The following RAE1 variants were observed in gnomAD, a reference collection of about 807,000 sequenced individuals.
RAE1 encodes ribonucleic acid export 1.
Under a neutral mutation model 52.7 loss-of-function variants are expected in RAE1, and 13 were observed. That is an observed-to-expected ratio of 0.25 (90% CI 0.16 to 0.39). The LOEUF (loss-of-function observed/expected upper bound fraction) is 0.39, where lower values mean the gene tolerates loss of function less well. RAE1 is among the 10% of genes least tolerant of loss of function. The probability of loss-of-function intolerance (pLI) is 1.00; values close to 1 mark genes in which losing one functional copy is unlikely to be tolerated. For synonymous variants in RAE1, 164 were observed against 153.1 expected (o/e 1.07, Z -0.52); for missense variants, 262 against 459.8 (o/e 0.57, Z 3.93).
At chr20:57,376,322 C>G (rs1203826414) in intron 11 of RAE1, among the ~76,000 whole-genome samples, 1 of 152,220 alleles carries the variant, frequency 6.6e-6, no homozygotes, top group Non-Finnish European at 1.5e-5. Context: ...GTTTCAACAT[C>G]TGTAAATACC....
intron 4 of RAE1, among the ~76,000 whole-genome samples, chr20:57,364,767 C>T (rs1205831490): frequency 3.3e-5 from 5 of 152,160 alleles, no homozygotes; most frequent in African/African-American, 1.2e-4. Context: ...CACACAGTGA[C>T]CACTAATTTT....
At chr20:57,358,212 A>G (rs1032424441) in intron 4 of RAE1, 2 of 152,176 alleles carry the variant, frequency 1.3e-5, no homozygotes, top group African/African-American at 4.8e-5. Flanking sequence ...GAAAAGTTTT[A>G]TTGCATCAAA....
At chr20:57,370,175 C>T (rs945978423) in intron 8 of RAE1, among the ~76,000 whole-genome samples, 2 of 152,204 alleles carry the variant, frequency 1.3e-5, no homozygotes, top group Admixed American at 6.5e-5. Flanking sequence ...TTTATTCCCT[C>T]ACCTCCCACT....
chr20:57,355,039 A>C (rs1035680347), intron 3 of RAE1, among the ~76,000 whole-genome samples: 1 of 152,170 alleles, frequency 6.6e-6, no homozygotes, highest in African/African-American at 2.4e-5. Flanking sequence ...GAAATTTTCT[A>C]CTTTAGTTCA....
Position 57,378,026 on chromosome 20 carries a change from A to G in RAE1, c.1034A>G (p.Tyr345Cys), listed in dbSNP as rs779651952. The change falls in exon 12 of 12, where the codon TAT becomes TGT. Residue 345 changes from tyrosine to cysteine, a missense_variant. Physicochemically the swap from Tyr to Cys is radical, Grantham distance 194 (BLOSUM62 -2). Transcript: ENST00000395841. ...SYDWSKGHEF[Y>C]NPQKKNYIFL... ...TGCTCTCTTTAGGGACATGAATTTTATAATCCCCAGAAAAAAAATTACATT... is the reference window on the plus strand; with the variant it reads ...TGCTCTCTTTAGGGACATGAATTTTGTAATCCCCAGAAAAAAAATTACATT... 9.3e-6 allele frequency: 15 copies of G among 1,610,830 alleles called. No individual in the cohort carries two copies. In the South Asian group the frequency reaches 1.6e-4, roughly 18 times the overall value.
chr20:57,358,922 A>T, intron 4 of RAE1: 2 of 1,369,416 alleles, frequency 1.5e-6, no homozygotes, highest in Non-Finnish European at 1.9e-6. Flanking sequence ...TTTTATTTGC[A>T]TTGATGAATT....
intron 1 of RAE1, chr20:57,351,957 A>G: frequency 3.0e-6 from 3 of 985,506 alleles, no homozygotes; most frequent in Non-Finnish European, 3.6e-6. Flanking sequence ...TGGGCCAGGC[A>G]TTGTACTGTG....
chr20:57,366,145 A>G (rs929962743), intron 5 of RAE1, among the ~76,000 whole-genome samples: 7 of 152,136 alleles, frequency 4.6e-5, no homozygotes, highest in African/African-American at 1.7e-4. Flanking sequence ...TTATTTCTGA[A>G]TATCTCCCTA....
At chr20:57,355,132 C>T (rs192465521) in intron 3 of RAE1, among the ~76,000 whole-genome samples, 126 of 152,284 alleles carry the variant, frequency 8.3e-4, no homozygotes, top group African/African-American at 3.0e-3. Context: ...CAACAAATTC[C>T]CTTTCTTGGC....
At chr20:57,368,401 A>C (rs2066988381) in intron 7 of RAE1, among the ~76,000 whole-genome samples, 1 of 152,226 alleles carries the variant, frequency 6.6e-6, no homozygotes, top group Admixed American at 6.5e-5. Context: ...TAACGCTGAG[A>C]ACAAAGGCTG....
intron 11 of RAE1, among the ~76,000 whole-genome samples, chr20:57,375,684 C>G (rs1177697515): frequency 1.3e-5 from 2 of 152,170 alleles, no homozygotes; most frequent in African/African-American, 4.8e-5. Context: ...CCTCTTGGTT[C>G]CCTGTGCTCT....
rs61733433 is a variant in RAE1, at chr20:57,373,663, C to T, written c.750C>T (p.Pro250=). 6.2e-3 allele frequency: 9,992 copies of T among 1,613,892 alleles called. 521 individuals are homozygous for T. In the African/African-American group the frequency reaches 0.12, roughly 19 times the overall value. ...VAIHYINPPN[P]AKDNFTFKCH... is the part of the protein sequence containing the mutation. ...ACTTACATGAACCTTTGTCTTTCAG[C>T]GCCAAAGATAACTTCACCTTTAAAT... The change falls in exon 10 of 12, where the codon CCC becomes CCT. Residue 250 remains proline (P), a splice_region_variant and synonymous_variant. Transcript: ENST00000395841.
chr20:57,378,110 C>T lies in RAE1; in HGVS notation c.*11C>T, dbSNP rs201722498. 1.7e-5 allele frequency: 27 copies of T among 1,593,848 alleles called. No individual in the cohort carries two copies. The highest frequency in any genetic ancestry group is 5.1e-5 in the Admixed American group (3 of 58,764). On this transcript the variant is annotated 3_prime_UTR_variant, in exon 12 of 12. Coordinates refer to ENST00000395841, the MANE Select transcript of RAE1 (RefSeq NM_003610.4). ...AGGAATAAGAAGTAGTGGCTGGAGA[C>T]TCTGGCTCAGCCAGAGTTGTTTCTC...
In RAE1 at chr20:57,351,316, T is replaced by G; in HGVS notation, c.-114T>G. ...TTAAGGAGGCTTCGGGCTCCTGGGATTTCTGTCCGCGCTCCTGGCCCTCGT... is the reference window on the plus strand; with the variant it reads ...TTAAGGAGGCTTCGGGCTCCTGGGAGTTCTGTCCGCGCTCCTGGCCCTCGT... On this transcript the variant is annotated 5_prime_UTR_variant, in exon 1 of 12. Transcript: ENST00000395841. The G allele has an allele frequency of 2.0e-6, 2 of 985,456 alleles. No homozygotes were observed. Among genetic ancestry groups the G allele is most frequent in the Non-Finnish European group, 2.4e-6 (2 of 829,968 alleles). The allele number at this position is 985,456 out of a possible 1,614,324, so 61.0% of individuals were successfully genotyped here. A position where few individuals can be genotyped will look rare whatever the true frequency, so the allele number is the denominator to read the frequency against.
intron 7 of RAE1, among the ~76,000 whole-genome samples, chr20:57,367,669 A>C (rs956531092): frequency 5.3e-5 from 8 of 150,932 alleles, no homozygotes; most frequent in African/African-American, 1.9e-4. Context: ...GAACCCAGCA[A>C]GTAGAGGTTG....
chr20:57,364,181 G>A (rs976790812), intron 4 of RAE1, among the ~76,000 whole-genome samples: 5 of 152,244 alleles, frequency 3.3e-5, no homozygotes, highest in African/African-American at 1.2e-4. Flanking sequence ...TAAGGACATG[G>A]TTCAAACTCT....
At chr20:57,362,973 G>A (rs2066909640) in intron 4 of RAE1, among the ~76,000 whole-genome samples, 1 of 152,098 alleles carries the variant, frequency 6.6e-6, no homozygotes, top group African/African-American at 2.4e-5. Flanking sequence ...TAGAGATGGG[G>A]TTTCGCCATG....
intron 2 of RAE1, 149 bp downstream of exon 2, chr20:57,354,277 A>G: frequency 1.5e-6 from 1 of 660,182 alleles, no homozygotes; most frequent in East Asian, 2.8e-5. Context: ...ACTGGAGCAC[A>G]GAAAATGTGT....
In RAE1 at chr20:57,356,486, C is replaced by G. The variant is rs1455761364; in HGVS notation, c.236C>G (p.Pro79Arg). 1 of 1,613,364 alleles carries G rather than the reference C, an allele frequency of 6.2e-7. No individual in the cohort carries two copies. The highest frequency in any genetic ancestry group is 1.7e-5 in the Admixed American group (1 of 59,996). The change falls in exon 4 of 12, where the codon CCA becomes CGA. Residue 79 changes from proline to arginine, a missense_variant. Pro to Arg is a moderately radical substitution (Grantham distance 103). Coordinates refer to ENST00000395841, the MANE Select transcript of RAE1 (RefSeq NM_003610.4). ...WEVQDSGQTI[P>R]KAQQMHTGPV... ...GTTCAAGACAGTGGACAGACCATTC[C>G]AAAAGCCCAGCAGATGCACACTGGG...
Sources: allele counts gnomAD v4.1 joint callset (sites outside exome capture counted in the v4.1 genomes callset), GRCh38; gene constraint gnomAD v4.1.1; transcripts MANE v1.5; gene names NCBI Gene and HGNC (gene_info 2026-07-23, HGNC 2026-07-21).